TLL2: variants seen among roughly 807,000 people sequenced by gnomAD.
TLL2 encodes the protein tolloid like 2, also known as tolloid-like protein 2.
TLL2 carries 106 observed loss-of-function variants against 123.0 expected under a neutral mutation model. The ratio of observed to expected loss-of-function variants is 0.86; its 90% CI spans 0.74 to 1.01. TLL2 has a LOEUF of 1.01. Ranked by LOEUF, TLL2 falls within the 50% of genes least tolerant of loss-of-function variation. The pLI is 0.00. For synonymous variants in TLL2, 494 were observed against 516.8 expected (o/e 0.96, Z 0.60); for missense variants, 1,332 against 1,336.7 (o/e 1.00, Z 0.06).
chr10:96,379,724 A>G (rs371113513), intron 16 of TLL2, among the ~76,000 whole-genome samples: 2 of 152,352 alleles, frequency 1.3e-5, no homozygotes, highest in East Asian at 3.9e-4. Context: ...CGGGAGGCTG[A>G]GGCAGGAGAA....
At chr10:96,379,205 C>T in intron 16 of TLL2, 113 bp from the exon 17 acceptor site, 2 of 1,350,072 alleles carry the variant, frequency 1.5e-6, no homozygotes, top group East Asian at 2.4e-5. Flanking sequence ...TGATTGCTCC[C>T]CTTCCCCCTC....
chr10:96,410,342 G>C lies in TLL2; in HGVS notation c.1164+17C>G, dbSNP rs768056533. On this transcript the variant is annotated intron_variant, in intron 9 of 20. Coordinates refer to ENST00000357947, the MANE Select transcript of TLL2 (RefSeq NM_012465.4). ...CAAGGAGTGCCGTCCCATTTGCCAA[G>C]GGGGCTTCCCACCTACCTTTTCCCC... is the stretch of plus-strand genomic sequence containing the variant. 4 of 1,600,856 alleles carry C rather than the reference G, an allele frequency of 2.5e-6. No homozygotes were observed. The highest frequency in any genetic ancestry group is 1.7e-6 in the Non-Finnish European group (2 of 1,169,886).
intron 1 of TLL2, among the ~76,000 whole-genome samples, chr10:96,505,845 A>G (rs1847572806): frequency 6.6e-6 from 1 of 152,214 alleles, no homozygotes; most frequent in Non-Finnish European, 1.5e-5. Flanking sequence ...GCATGGTACC[A>G]AGTGCCTTCA....
At chr10:96,369,612 T>C (rs955679418) in intron 20 of TLL2, among the ~76,000 whole-genome samples, 2 of 151,334 alleles carry the variant, frequency 1.3e-5, no homozygotes, top group Non-Finnish European at 2.9e-5. Context: ...AATACAAAAA[T>C]TAGGTGGGTG....
chr10:96,378,928 G>T, intron 17 of TLL2, 39 bp downstream of exon 17: 1 of 1,610,872 alleles, frequency 6.2e-7, no homozygotes, highest in Non-Finnish European at 8.5e-7. Flanking sequence ...TGCGGCGAAG[G>T]GCAGCCCGCC....
At chr10:96,474,776 A>G (rs900820327) in intron 2 of TLL2, among the ~76,000 whole-genome samples, 2 of 152,276 alleles carry the variant, frequency 1.3e-5, no homozygotes, top group East Asian at 3.9e-4. Flanking sequence ...TTCTCTCACA[A>G]TCCTGGAGGC....
At chr10:96,501,679 A>T (rs764291528) in intron 1 of TLL2, among the ~76,000 whole-genome samples, 4 of 152,220 alleles carry the variant, frequency 2.6e-5, no homozygotes, top group Non-Finnish European at 5.9e-5. Context: ...GACACTGTTC[A>T]TTCTACCTGA....
At chr10:96,477,856 G>C (rs1324466340) in intron 2 of TLL2, among the ~76,000 whole-genome samples, 1 of 152,082 alleles carries the variant, frequency 6.6e-6, no homozygotes, top group Non-Finnish European at 1.5e-5. Context: ...ACGGCTCCAG[G>C]GTCTGCCATC....
intron 4 of TLL2, among the ~76,000 whole-genome samples, chr10:96,432,100 G>A (rs910680547): frequency 2.6e-5 from 4 of 152,130 alleles, no homozygotes; most frequent in African/African-American, 7.2e-5. Flanking sequence ...TTTCATTCTA[G>A]TGGCAATGGG....
At chr10:96,479,997 T>C (rs1259533125) in intron 2 of TLL2, among the ~76,000 whole-genome samples, 1 of 152,242 alleles carries the variant, frequency 6.6e-6, no homozygotes, top group East Asian at 1.9e-4. Context: ...TGCTCTTGGT[T>C]TCTCACACAC....
At chr10:96,469,817 A>G (rs749520918) in intron 2 of TLL2, among the ~76,000 whole-genome samples, 7 of 152,246 alleles carry the variant, frequency 4.6e-5, no homozygotes, top group Non-Finnish European at 1.0e-4. Flanking sequence ...TTACATAAGG[A>G]AGGAGAGATA....
chr10:96,431,883 G>A (rs542809005), intron 4 of TLL2, among the ~76,000 whole-genome samples: 2 of 152,218 alleles, frequency 1.3e-5, no homozygotes, highest in Admixed American at 1.3e-4. Flanking sequence ...AAGACCTGGG[G>A]AAAGGGCCTC....
Position 96,431,510 on chromosome 10 carries a change from C to A in TLL2, c.520+1297G>T, listed in dbSNP as rs1057113755. 7.2e-5 allele frequency among the ~76,000 whole-genome samples: 11 copies of A among 152,152 alleles called. No homozygotes were observed. The East Asian group carries it at 1.7e-3, about 24-fold the overall frequency. On this transcript the variant is annotated intron_variant, in intron 4 of 20. Transcript: ENST00000357947. ...GGAGGGGAAGGACTTATAAGTTGCA[C>A]TGAGAGCCCAGGAAAGTCTCTCGGT... is the stretch of plus-strand genomic sequence containing the variant.
rs868095223 is a variant in TLL2, at chr10:96,428,707, C to T, written c.562G>A (p.Glu188Lys). 1.9e-6 allele frequency: 3 copies of T among 1,613,952 alleles called. 1 individual carries two copies. In the South Asian group the frequency reaches 3.3e-5, roughly 18 times the overall value. Residue 188 changes from glutamate (E) to lysine (K), a missense_variant, in exon 5 of 21, where the codon GAG becomes AAG. Transcript: ENST00000357947. ...AIFKQAMRHW[E>K]KHTCVTFIER... ...ATGAAGGTCACACAGGTGTGCTTCT[C>T]CCAGTGTCTCATGGCCTGCTTAAAA...
intron 10 of TLL2, among the ~76,000 whole-genome samples, chr10:96,400,342 C>T (rs72640002): frequency 0.16 from 21,543 of 135,890 alleles, 2,331 homozygotes; most frequent in East Asian, 0.51. Context: ...TCTTCATCAT[C>T]ACCACTACTA....
chr10:96,455,764 G>C (rs1393720569), intron 2 of TLL2, among the ~76,000 whole-genome samples: 1 of 152,204 alleles, frequency 6.6e-6, no homozygotes, highest in African/African-American at 2.4e-5. Flanking sequence ...CAGCCCTTTT[G>C]GGCTTCTCTG....
In TLL2 at chr10:96,384,658, T is replaced by C; in HGVS notation, c.2123A>G (p.Asn708Ser). ...GGACTTGAACTCCACGCGCATGTTG[T>C]TGCTCTGCGAGGTGATGACCTCCGG... ...ETPEVITSQS[N>S]NMRVEFKSDN... The change falls in exon 16 of 21, where the codon AAC becomes AGC. Residue 708 changes from asparagine (N) to serine (S), a missense_variant. Transcript: ENST00000357947. The C allele has an allele frequency of 6.2e-7, 1 of 1,612,978 alleles. No individual in the cohort carries two copies. Among genetic ancestry groups the C allele is most frequent in the Non-Finnish European group, 8.5e-7 (1 of 1,179,352 alleles).
intron 1 of TLL2, among the ~76,000 whole-genome samples, chr10:96,504,422 T>G (rs1374485568): frequency 1.6e-4 from 24 of 152,038 alleles, no homozygotes; most frequent in Admixed American, 1.6e-3. Context: ...CCAGCCTGGC[T>G]GATATGGCGA....
chr10:96,395,186 C>T lies in TLL2; in HGVS notation c.1726+1G>A. On this transcript the variant is annotated splice_donor_variant, in intron 13 of 20. Coordinates refer to ENST00000357947, the MANE Select transcript of TLL2 (RefSeq NM_012465.4). LOFTEE classifies it high-confidence loss of function. The stretch of plus-strand genomic sequence containing the variant: ...AGTGGAAACAAACTGCTAATTCATA[C>T]CCTTGAAAAAATTGGCTGCAAAGCC... 6.2e-7 allele frequency: 1 copy of T among 1,602,030 alleles called. No individual in the cohort carries two copies. Among genetic ancestry groups the T allele is most frequent in the Non-Finnish European group, 8.5e-7 (1 of 1,174,338 alleles).
Sources: allele counts gnomAD v4.1 joint callset (sites outside exome capture counted in the v4.1 genomes callset), GRCh38; gene constraint gnomAD v4.1.1; transcripts MANE v1.5; gene names NCBI Gene and HGNC (gene_info 2026-07-23, HGNC 2026-07-21).